LEPR: variants seen among roughly 807,000 people sequenced by gnomAD.
The protein encoded by LEPR is OB receptor.
LEPR carries 56 observed loss-of-function variants against 114.7 expected under a neutral mutation model. That is an observed-to-expected ratio of 0.49 (90% CI 0.39 to 0.61). The LOEUF is 0.61. Among genes scored for constraint, LEPR ranks in the 20% least tolerant of loss-of-function variants. The pLI, the probability that LEPR is intolerant of heterozygous loss-of-function variation, is 0.00. For synonymous variants in LEPR, 443 were observed against 461.4 expected (o/e 0.96, Z 0.51); for missense variants, 1,202 against 1,352.9 (o/e 0.89, Z 1.75).
chr1:65,424,221 A>G (rs1009202495), intron 1 of LEPR, among the ~76,000 whole-genome samples: 11 of 152,208 alleles, frequency 7.2e-5, no homozygotes, highest in African/African-American at 2.7e-4. Flanking sequence ...GGGAATACAT[A>G]TTTTATTCAG....
chr1:65,525,498 C>G (rs898619770), intron 2 of LEPR: 1 of 376,004 alleles, frequency 2.7e-6, no homozygotes, highest in Non-Finnish European at 3.7e-6. Flanking sequence ...GCCGCCGCCC[C>G]CGCCACCTGC....
intron 2 of LEPR, among the ~76,000 whole-genome samples, chr1:65,556,414 A>G (rs1308600461): frequency 2.0e-5 from 3 of 152,006 alleles, no homozygotes; most frequent in Non-Finnish European, 4.4e-5. Context: ...ATGCAGCTCT[A>G]CTTGTGGAAT....
intron 2 of LEPR, among the ~76,000 whole-genome samples, chr1:65,439,325 A>G (rs946696567): frequency 6.6e-6 from 1 of 152,232 alleles, no homozygotes; most frequent in Non-Finnish European, 1.5e-5. Flanking sequence ...TATTGGAGAA[A>G]GGACACCCAT....
chr1:65,606,861 G>A (rs548620687), intron 11 of LEPR, among the ~76,000 whole-genome samples: 4 of 152,204 alleles, frequency 2.6e-5, no homozygotes, highest in African/African-American at 7.2e-5. Flanking sequence ...TTTACATGAC[G>A]GAAAAAGTTT....
At chr1:65,464,753 T>C (rs939625323) in intron 2 of LEPR, among the ~76,000 whole-genome samples, 7 of 152,224 alleles carry the variant, frequency 4.6e-5, no homozygotes, top group African/African-American at 1.7e-4. Context: ...GGTTTAGTCT[T>C]GGGAGGGTGT....
At chr1:65,483,085 C>G (rs1458662933) in intron 2 of LEPR, among the ~76,000 whole-genome samples, 1 of 151,538 alleles carries the variant, frequency 6.6e-6, no homozygotes, top group Non-Finnish European at 1.5e-5. Flanking sequence ...AAACACAAAG[C>G]GCACAAACCA....
chr1:65,434,078 G>T, intron 2 of LEPR: 1 of 985,266 alleles, frequency 1.0e-6, no homozygotes, highest in Non-Finnish European at 1.2e-6. Flanking sequence ...GCCTTCATAT[G>T]TAGCCTTAAA....
chr1:65,488,210 T>TTCTTTCTCTCTCTCTCTC, intron 2 of LEPR, among the ~76,000 whole-genome samples: 1 of 25,874 alleles, frequency 3.9e-5, no homozygotes, highest in African/African-American at 1.8e-4. Flanking sequence ...CTTTCTTTCT[T>TTCTTTCTCTCTCTCTCTC]TCTCTCTCTC....
At chr1:65,546,381 C>A (rs991012708) in intron 2 of LEPR, among the ~76,000 whole-genome samples, 57 of 152,258 alleles carry the variant, frequency 3.7e-4, no homozygotes, top group African/African-American at 1.3e-3. Flanking sequence ...GGCATTGAAT[C>A]TATAAATTAC....
chr1:65,509,077 A>C (rs1648898882), intron 2 of LEPR, among the ~76,000 whole-genome samples: 1 of 151,992 alleles, frequency 6.6e-6, no homozygotes, highest in South Asian at 2.1e-4. Flanking sequence ...GAGTTTTATT[A>C]ATTTTTTTGG....
At chr1:65,619,092 G>A (rs148967504) in intron 16 of LEPR, among the ~76,000 whole-genome samples, 304 of 152,278 alleles carry the variant, frequency 2.0e-3, no homozygotes, top group African/African-American at 7.1e-3. Flanking sequence ...AACTAGGGAA[G>A]CTAAGGATTG....
chr1:65,513,942 C>T (rs1431779093), intron 2 of LEPR, among the ~76,000 whole-genome samples: 1 of 152,076 alleles, frequency 6.6e-6, no homozygotes, highest in African/African-American at 2.4e-5. Context: ...GTTTTTCTTA[C>T]ACTGTGTTGC....
chr1:65,449,044 C>T (rs2100314632), intron 2 of LEPR, among the ~76,000 whole-genome samples: 1 of 152,296 alleles, frequency 6.6e-6, no homozygotes, highest in Non-Finnish European at 1.5e-5. Flanking sequence ...CAGGTGCCCA[C>T]CACCAAGCCC....
chr1:65,549,280 A>T lies in LEPR; in HGVS notation c.-20-16266A>T, dbSNP rs935779715. Among the ~76,000 whole-genome samples the T allele has an allele frequency of 1.5e-4, 22 of 149,920 alleles. No homozygotes were observed. The East Asian group carries it at 3.9e-3, about 26-fold the overall frequency. On this transcript the variant is annotated intron_variant, in intron 2 of 19. Coordinates refer to ENST00000349533, the MANE Select transcript of LEPR (RefSeq NM_002303.6). ...TTCAACTTTGGTGAATCTGACAATT[A>T]TGTGTCTTGGAGTTGCTCTTCTCGA...
chr1:65,496,608 G>A (rs1001405621), intron 2 of LEPR, among the ~76,000 whole-genome samples: 2 of 152,098 alleles, frequency 1.3e-5, no homozygotes, highest in African/African-American at 4.8e-5. Context: ...TTTTACTTTA[G>A]AATTGTTTTA....
At chr1:65,431,654 C>T (rs994881537) in intron 2 of LEPR, 20 of 698,638 alleles carry the variant, frequency 2.9e-5, no homozygotes, top group Non-Finnish European at 2.8e-5. Context: ...CATTACTGAA[C>T]AGTTCATTGT....
At chr1:65,529,444 C>T (rs1650223717) in intron 2 of LEPR, among the ~76,000 whole-genome samples, 2 of 151,278 alleles carry the variant, frequency 1.3e-5, no homozygotes, top group South Asian at 2.1e-4. Flanking sequence ...TTGCTTGAAC[C>T]TGGGAGACGG....
intron 3 of LEPR, among the ~76,000 whole-genome samples, chr1:65,568,584 C>T (rs564810358): frequency 6.6e-6 from 1 of 151,790 alleles, no homozygotes; most frequent in East Asian, 1.9e-4. Context: ...TTGAGGGACA[C>T]TTAGGTTGAT....
intron 2 of LEPR, among the ~76,000 whole-genome samples, chr1:65,511,070 T>C (rs564284553): frequency 6.6e-6 from 1 of 152,250 alleles, no homozygotes; most frequent in African/African-American, 2.4e-5. Flanking sequence ...AAAGAAAAAT[T>C]GCAAAGATAG....
Sources: allele counts gnomAD v4.1 joint callset (sites outside exome capture counted in the v4.1 genomes callset), GRCh38; gene constraint gnomAD v4.1.1; transcripts MANE v1.5; gene names NCBI Gene and HGNC (gene_info 2026-07-23, HGNC 2026-07-21).